TMLHE: variants seen among roughly 807,000 people sequenced by gnomAD.
TMLHE encodes the protein trimethyllysine dioxygenase, mitochondrial.
A neutral mutation model predicts 25.7 loss-of-function variants in TMLHE; 18 were observed. The ratio of observed to expected loss-of-function variants is 0.70; its 90% CI spans 0.48 to 1.04. TMLHE has a LOEUF of 1.04. TMLHE is among the 50% of genes least tolerant of loss of function. The pLI is 0.00. For synonymous variants in TMLHE, 105 were observed against 97.0 expected, an observed-to-expected ratio of 1.08 and a Z score of -0.49; for missense variants, 236 against 259.0, an observed-to-expected ratio of 0.91 and a Z score of 0.61.
At chrX:155,521,876 C>T (rs1331567377) in intron 3 of TMLHE, among the ~76,000 whole-genome samples, 6 of 86,567 alleles carry the variant, frequency 6.9e-5, no homozygotes, top group East Asian at 3.8e-4. Flanking sequence ...CGCCCTGCTT[C>T]GGCTCGCGCA....
At chrX:155,547,862 A>AT (rs1557339097) in intron 1 of TMLHE, among the ~76,000 whole-genome samples, 1 of 111,476 alleles carries the variant, frequency 9.0e-6, no homozygotes, top group East Asian at 2.8e-4. Flanking sequence ...TTTGGCATAT[A>AT]CAATGACACA....
chrX:155,509,450 T>C (rs2067093830), intron 5 of TMLHE, among the ~76,000 whole-genome samples: 1 of 111,836 alleles, frequency 8.9e-6, no homozygotes, highest in Non-Finnish European at 1.9e-5. Flanking sequence ...GCTAATTTAC[T>C]TGGTCCTTGC....
chrX:155,605,058 G>A (rs937708787), intron 1 of TMLHE, among the ~76,000 whole-genome samples: 1 of 111,676 alleles, frequency 9.0e-6, no homozygotes, highest in Non-Finnish European at 1.9e-5. Flanking sequence ...TCTTAACCAG[G>A]CTGAAATGGC....
At chrX:155,611,863 G>GT (rs782669329) in intron 1 of TMLHE, among the ~76,000 whole-genome samples, 1 of 111,950 alleles carries the variant, frequency 8.9e-6, no homozygotes, top group African/African-American at 3.2e-5. Context: ...TAAACTGTAT[G>GT]TAATTTTTAC....
chrX:155,508,172 G>A lies in TMLHE; in HGVS notation c.759-1038C>T, dbSNP rs139776043. ...CTAATCATATACAGTTTCTGAATAT[G>A]TTAACAGGGAAAGGTAAGGTGACTA... On this transcript the variant is annotated intron_variant, in intron 5 of 7. Coordinates refer to ENST00000334398, the MANE Select transcript of TMLHE (RefSeq NM_018196.4). Among the ~76,000 whole-genome samples, 710 of 111,261 alleles carry A rather than the reference G, an allele frequency of 6.4e-3. 7 individuals carry two copies. Among genetic ancestry groups the A allele is most frequent in the African/African-American group, 0.022 (676 of 30,730 alleles).
chrX:155,530,045 C>T (rs2067240703), intron 2 of TMLHE, among the ~76,000 whole-genome samples: 2 of 111,563 alleles, frequency 1.8e-5, no homozygotes, highest in Admixed American at 9.6e-5. Context: ...TGACAAAGGT[C>T]CAATTTCATT....
At chrX:155,544,475 A>G (rs1425198743) in intron 2 of TMLHE, among the ~76,000 whole-genome samples, 1 of 111,883 alleles carries the variant, frequency 8.9e-6, no homozygotes, top group African/African-American at 3.2e-5. Flanking sequence ...AACCATAAGA[A>G]ACTAGAAAAG....
intron 1 of TMLHE, among the ~76,000 whole-genome samples, chrX:155,580,522 ATGTACT>A (rs1294986600): frequency 2.7e-5 from 3 of 112,329 alleles, no homozygotes; most frequent in Non-Finnish European, 5.6e-5. Context: ...AAAAGGATAC[ATGTACT>A]TGTATGTTTA....
At chrX:155,547,365 C>T (rs932071706) in intron 1 of TMLHE, among the ~76,000 whole-genome samples, 1 of 109,811 alleles carries the variant, frequency 9.1e-6, no homozygotes, top group African/African-American at 3.3e-5. Context: ...AGGATGGTCT[C>T]GATCTCCTGA....
chrX:155,577,579 CA>C (rs1354730869), intron 1 of TMLHE, among the ~76,000 whole-genome samples: 851 of 82,157 alleles, frequency 0.01, 4 homozygotes, highest in African/African-American at 0.031. Flanking sequence ...GACTCTGTCT[CA>C]AAAAAAAAAA....
In TMLHE at chrX:155,598,748, G is replaced by A. The variant is rs192937424; in HGVS notation, c.-2+14044C>T. 3.2e-4 allele frequency among the ~76,000 whole-genome samples: 35 copies of A among 110,697 alleles called. No individual in the cohort carries two copies. In the Admixed American group the frequency reaches 3.4e-3, roughly 11 times the overall value. Reference sequence around the variant, plus strand: ...TGACACTAGACAATACAGAAGAAGGGTTCTGATTATTCAAGACTGCTTTTT... The same window carrying A: ...TGACACTAGACAATACAGAAGAAGGATTCTGATTATTCAAGACTGCTTTTT... On this transcript the variant is annotated intron_variant, in intron 1 of 7. Coordinates refer to ENST00000334398, the MANE Select transcript of TMLHE (RefSeq NM_018196.4).
At chrX:155,594,008 C>T (rs1161758759) in intron 1 of TMLHE, among the ~76,000 whole-genome samples, 3 of 110,938 alleles carry the variant, frequency 2.7e-5, no homozygotes, top group Non-Finnish European at 3.8e-5. Context: ...GGAAAAGAGC[C>T]AGAAAGGCTA....
intron 1 of TMLHE, among the ~76,000 whole-genome samples, chrX:155,575,114 T>C (rs1304279180): frequency 8.9e-6 from 1 of 111,840 alleles, no homozygotes; most frequent in Non-Finnish European, 1.9e-5. Flanking sequence ...TGGTTCCTTC[T>C]AAGGGCTATG....
chrX:155,530,417 G>A (rs2067242981), intron 2 of TMLHE, among the ~76,000 whole-genome samples: 1 of 37,940 alleles, frequency 2.6e-5, no homozygotes, highest in Non-Finnish European at 7.5e-5. Flanking sequence ...CAGGGCCAAG[G>A]GTAGGGGCAT....
At chrX:155,569,459 C>G (rs1433490556) in intron 1 of TMLHE, among the ~76,000 whole-genome samples, 1 of 56,902 alleles carries the variant, frequency 1.8e-5, no homozygotes, top group African/African-American at 4.2e-5. Context: ...GGCAGGCCAA[C>G]ATTCAGGTTC....
chrX:155,608,542 T>A (rs1187388021), intron 1 of TMLHE, among the ~76,000 whole-genome samples: 2 of 111,541 alleles, frequency 1.8e-5, no homozygotes, highest in Non-Finnish European at 3.8e-5. Context: ...GCAATAATAA[T>A]AAAAACTGAT....
In TMLHE at chrX:155,568,035, T is replaced by C. The variant is rs782258560; in HGVS notation, c.-1-22758A>G. 5.0e-5 allele frequency among the ~76,000 whole-genome samples: 3 copies of C among 60,323 alleles called. 1 individual carries two copies. The highest frequency in any genetic ancestry group is 1.9e-3 in the South Asian group (2 of 1,028). 52.4% of individuals were successfully genotyped at this position (60,323 alleles called of 115,157 possible). Reference sequence around the variant, plus strand: ...GCACAAGCCGAAGCAGGGCGAGGCATTGCCTCACTCAGGAAGCGCAAGGGG... The same window carrying C: ...GCACAAGCCGAAGCAGGGCGAGGCACTGCCTCACTCAGGAAGCGCAAGGGG... On this transcript the variant is annotated intron_variant, in intron 1 of 7. Transcript: ENST00000334398.
At chrX:155,549,749 T>C (rs782601989) in intron 1 of TMLHE, among the ~76,000 whole-genome samples, 5 of 110,110 alleles carry the variant, frequency 4.5e-5, no homozygotes, top group East Asian at 5.6e-4. Flanking sequence ...AAATTGTACT[T>C]TAAGTTCTGG....
At chrX:155,512,368 T>G (rs1244678470) in intron 4 of TMLHE, among the ~76,000 whole-genome samples, 5 of 98,172 alleles carry the variant, frequency 5.1e-5, no homozygotes, top group African/African-American at 1.9e-4. Context: ...CCTTCCTGTG[T>G]CCATGTGTTC....
Sources: allele counts gnomAD v4.1 joint callset (sites outside exome capture counted in the v4.1 genomes callset), GRCh38; gene constraint gnomAD v4.1.1; transcripts MANE v1.5; gene names NCBI Gene and HGNC (gene_info 2026-07-23, HGNC 2026-07-21).